Variants in NDUFAF2 observed in about 807,000 individuals in gnomAD.
The protein encoded by NDUFAF2 is NADH dehydrogenase [ubiquinone] 1 alpha subcomplex assembly factor 2.
A neutral mutation model predicts 22.8 loss-of-function variants in NDUFAF2; 13 were observed. That is an observed-to-expected ratio of 0.57 (90% CI 0.37 to 0.91). NDUFAF2 has a LOEUF of 0.91. Among genes scored for constraint, NDUFAF2 ranks in the 40% least tolerant of loss-of-function variants. The pLI, the probability that NDUFAF2 is intolerant of heterozygous loss-of-function variation, is 0.01. For missense variants in NDUFAF2, 162 were observed against 195.2 expected (o/e 0.83, Z 1.01); for synonymous variants, 53 against 64.2 (o/e 0.83, Z 0.84).
intron 1 of NDUFAF2, among the ~76,000 whole-genome samples, chr5:61,022,834 G>A (rs1272112791): frequency 1.3e-5 from 2 of 152,102 alleles, no homozygotes; most frequent in African/African-American, 2.4e-5. Context: ...TAGTAGAGAC[G>A]GAGTTTTGCC....
At chr5:60,948,575 G>A (rs1454976252) in intron 1 of NDUFAF2, among the ~76,000 whole-genome samples, 1 of 150,392 alleles carries the variant, frequency 6.6e-6, no homozygotes, top group Non-Finnish European at 1.5e-5. Flanking sequence ...TGTTTTTTAG[G>A]TTCTTCACTC....
chr5:60,967,709 A>G (rs1418995763), intron 1 of NDUFAF2, among the ~76,000 whole-genome samples: 2 of 151,812 alleles, frequency 1.3e-5, no homozygotes, highest in African/African-American at 4.8e-5. Context: ...ATCATGGTGA[A>G]TGATCTTTTT....
chr5:61,074,738 C>G (rs1752345434), intron 2 of NDUFAF2, among the ~76,000 whole-genome samples: 1 of 152,026 alleles, frequency 6.6e-6, no homozygotes, highest in African/African-American at 2.4e-5. Context: ...CTGGCTTGGG[C>G]AACAAGAGCG....
chr5:61,138,272 T>TAATAGC (rs1740994108), intron 3 of NDUFAF2, among the ~76,000 whole-genome samples: 1 of 50,638 alleles, frequency 2.0e-5, no homozygotes, highest in South Asian at 7.4e-4. Flanking sequence ...TTATTAGGAG[T>TAATAGC]CCAAGCAAGA....
In NDUFAF2 at chr5:60,955,308, A is replaced by G. The variant is rs561481518; in HGVS notation, c.127+9926A>G. Among the ~76,000 whole-genome samples, 4 of 152,220 alleles carry G rather than the reference A, an allele frequency of 2.6e-5. 1 individual carries two copies. The highest frequency in any genetic ancestry group is 1.9e-4 in the East Asian group (1 of 5,172). ...GTGGATATCTAGTTTTCCCAATACC[A>G]TTTATTTGAAGAGATTATCTTTTCT... On this transcript the variant is annotated intron_variant, in intron 1 of 3. Coordinates refer to ENST00000296597, the MANE Select transcript of NDUFAF2 (RefSeq NM_174889.5).
chr5:60,983,086 G>A lies in NDUFAF2; in HGVS notation c.127+37704G>A, dbSNP rs1376588503. Among the ~76,000 whole-genome samples the A allele has an allele frequency of 2.4e-3, 367 of 151,194 alleles. 7 individuals are homozygous for A. Among genetic ancestry groups the A allele is most frequent in the African/African-American group, 8.3e-3 (341 of 41,180 alleles). ...GTTGTTTCCTGATTTTTTAATGATT[G>A]CCATTCTAACTGGTGTGAGATGGTA... On this transcript the variant is annotated intron_variant, in intron 1 of 3. Transcript: ENST00000296597.
chr5:61,152,291 G>T (rs76498844), intron 3 of NDUFAF2, among the ~76,000 whole-genome samples: 1 of 135,008 alleles, frequency 7.4e-6, no homozygotes, highest in Non-Finnish European at 1.6e-5. Flanking sequence ...GAATGGCAAA[G>T]AAAAAAAAAA....
chr5:61,128,957 A>AAAAC (rs1753072331), intron 3 of NDUFAF2, among the ~76,000 whole-genome samples: 3 of 151,720 alleles, frequency 2.0e-5, no homozygotes, highest in Non-Finnish European at 3.0e-5. Context: ...TTACAAGAAA[A>AAAAC]AAACAACCCC....
intron 1 of NDUFAF2, among the ~76,000 whole-genome samples, chr5:61,029,666 C>T (rs1466705894): frequency 1.3e-5 from 2 of 152,098 alleles, no homozygotes; most frequent in African/African-American, 4.8e-5. Flanking sequence ...CCCCAGAATG[C>T]GACGTGCACC....
At chr5:61,000,793 T>A (rs1392573799) in intron 1 of NDUFAF2, among the ~76,000 whole-genome samples, 3 of 152,148 alleles carry the variant, frequency 2.0e-5, no homozygotes, top group Non-Finnish European at 4.4e-5. Flanking sequence ...GTAGCATGTT[T>A]TCTGAAATAT....
intron 1 of NDUFAF2, among the ~76,000 whole-genome samples, chr5:61,038,722 A>G (rs1408973188): frequency 1.3e-5 from 2 of 152,218 alleles, no homozygotes; most frequent in Non-Finnish European, 2.9e-5. Flanking sequence ...GGTAAATGCT[A>G]AGTAAATCTT....
At chr5:60,975,800 AT>A (rs537681250) in intron 1 of NDUFAF2, among the ~76,000 whole-genome samples, 12 of 151,302 alleles carry the variant, frequency 7.9e-5, no homozygotes, top group African/African-American at 2.2e-4. Flanking sequence ...AAGCCAAATA[AT>A]TTTTTTTTTA....
At chr5:61,081,301 C>T (rs930254778) in intron 2 of NDUFAF2, among the ~76,000 whole-genome samples, 5 of 151,924 alleles carry the variant, frequency 3.3e-5, no homozygotes. Context: ...TAGTCAGGGC[C>T]CATATAATGT....
chr5:61,040,109 C>CA (rs1348119463), intron 1 of NDUFAF2, among the ~76,000 whole-genome samples: 1 of 151,822 alleles, frequency 6.6e-6, no homozygotes. Context: ...AGTGTCCCCC[C>CA]AAAAAATGTA....
chr5:61,099,812 C>T (rs1398125813), intron 3 of NDUFAF2, among the ~76,000 whole-genome samples: 1 of 152,122 alleles, frequency 6.6e-6, no homozygotes, highest in Non-Finnish European at 1.5e-5. Flanking sequence ...CTTCCCTCCT[C>T]TCTTCTGTTG....
At chr5:61,105,629 CAAAA>C (rs35145386) in intron 3 of NDUFAF2, among the ~76,000 whole-genome samples, 3 of 117,782 alleles carry the variant, frequency 2.5e-5, no homozygotes, top group Admixed American at 8.2e-5. Context: ...TGATACTGAG[CAAAA>C]AAAAAAAAAA....
chr5:61,029,964 G>A (rs1253712797), intron 1 of NDUFAF2, among the ~76,000 whole-genome samples: 2 of 152,184 alleles, frequency 1.3e-5, no homozygotes, highest in East Asian at 1.9e-4. Flanking sequence ...GAACTATGGT[G>A]ACCCAGCAAA....
intron 1 of NDUFAF2, among the ~76,000 whole-genome samples, chr5:61,066,098 C>T (rs555401280): frequency 6.6e-6 from 1 of 151,814 alleles, no homozygotes; most frequent in East Asian, 1.9e-4. Context: ...AGAAACCATC[C>T]CATTTATGAC....
At chr5:60,981,747 A>G (rs1354333938) in intron 1 of NDUFAF2, among the ~76,000 whole-genome samples, 2 of 152,220 alleles carry the variant, frequency 1.3e-5, no homozygotes, top group African/African-American at 2.4e-5. Flanking sequence ...ATAGTGGCAT[A>G]AAAATAGACA....
Sources: allele counts gnomAD v4.1 joint callset (sites outside exome capture counted in the v4.1 genomes callset), GRCh38; gene constraint gnomAD v4.1.1; transcripts MANE v1.5; gene names NCBI Gene and HGNC (gene_info 2026-07-23, HGNC 2026-07-21).